The following RXFP1 variants were observed in gnomAD, a reference collection of about 807,000 sequenced individuals.
The protein encoded by RXFP1 is relaxin receptor 1.
A neutral mutation model predicts 89.8 loss-of-function variants in RXFP1; 73 were observed. That is an observed-to-expected ratio of 0.81 (90% CI 0.67 to 0.99). The LOEUF is 0.99. RXFP1 is among the 50% of genes least tolerant of loss of function. RXFP1 has a pLI of 0.00. For missense variants in RXFP1, 793 were observed against 895.5 expected (o/e 0.89, Z 1.46); for synonymous variants, 277 against 305.5 (o/e 0.91, Z 0.97).
chr4:158,645,580 C>T (rs1273413925), intron 15 of RXFP1, among the ~76,000 whole-genome samples: 1 of 152,080 alleles, frequency 6.6e-6, no homozygotes, highest in Admixed American at 6.6e-5. Context: ...GAAGTTTTTT[C>T]CACTCTAACT....
Position 158,561,697 on chromosome 4 carries a change from G to T in RXFP1, c.50-11001G>T, listed in dbSNP as rs550097397. On this transcript the variant is annotated intron_variant, in intron 1 of 17. Transcript: ENST00000307765. ...GGCTGGAGTGCAGTGGTGTGATCTCGTCTGACTGCAACCTCCACCTCCCGG... is the reference window on the plus strand; with the variant it reads ...GGCTGGAGTGCAGTGGTGTGATCTCTTCTGACTGCAACCTCCACCTCCCGG... Among the ~76,000 whole-genome samples the T allele has an allele frequency of 1.5e-4, 21 of 136,848 alleles. 1 individual carries two copies. The highest frequency in any genetic ancestry group is 5.9e-4 in the African/African-American group (21 of 35,692). The allele number at this position is 136,848 out of a possible 152,430, so 89.8% of individuals were successfully genotyped here. A position where few individuals can be genotyped will look rare whatever the true frequency, so the allele number is the denominator to read the frequency against.
intron 12 of RXFP1, among the ~76,000 whole-genome samples, chr4:158,637,011 C>T (rs1769302542): frequency 6.6e-6 from 1 of 152,090 alleles, no homozygotes; most frequent in Non-Finnish European, 1.5e-5. Context: ...CTTTCTATGC[C>T]TGACTTACTT....
At chr4:158,644,472 A>G (rs1448688061) in intron 14 of RXFP1, among the ~76,000 whole-genome samples, 3 of 151,876 alleles carry the variant, frequency 2.0e-5, no homozygotes, top group Non-Finnish European at 4.4e-5. Flanking sequence ...CATAACTTCA[A>G]TAACAAAAAG....
At chr4:158,650,919 G>A (rs1408034472) in intron 17 of RXFP1, among the ~76,000 whole-genome samples, 3 of 151,980 alleles carry the variant, frequency 2.0e-5, no homozygotes, top group Admixed American at 1.3e-4. Context: ...AACCAACCTG[G>A]ACAACACAGG....
intron 1 of RXFP1, among the ~76,000 whole-genome samples, chr4:158,525,219 C>CG (rs61683066): frequency 0.67 from 92,188 of 137,898 alleles, 35,577 homozygotes; most frequent in East Asian, 0.94. Context: ...TATACTTTGG[C>CG]GGGGGGGGGT....
chr4:158,529,244 T>TTTG (rs70962613), intron 1 of RXFP1, among the ~76,000 whole-genome samples: 6,315 of 109,994 alleles, frequency 0.057, 440 homozygotes, highest in African/African-American at 0.22. Context: ...TTGCTTGTTT[T>TTTG]TTGTTGTTGT....
Position 158,582,466 on chromosome 4 carries a change from T to G in RXFP1, c.187+9631T>G, listed in dbSNP as rs143776843. On this transcript the variant is annotated intron_variant, in intron 2 of 17. Transcript: ENST00000307765. ...CTCAGATGTGCATAAATCCATCTGG[T>G]CCTCTGCCGTAAGTCACCACTCTGT... is the stretch of plus-strand genomic sequence containing the variant. Among the ~76,000 whole-genome samples the G allele has an allele frequency of 8.5e-5, 13 of 152,210 alleles. No individual in the cohort carries two copies. The East Asian group carries it at 2.5e-3, about 29-fold the overall frequency.
chr4:158,617,150 C>G lies in RXFP1; in HGVS notation c.700C>G (p.Leu234Val). 1 of 1,608,926 alleles carries G rather than the reference C, an allele frequency of 6.2e-7. No homozygotes were observed. The highest frequency in any genetic ancestry group is 8.5e-7 in the Non-Finnish European group (1 of 1,177,204). ...TTTCAGAGTCCTGATGAATAACGTC[C>G]TCACCCGTTTACCTGATAAACCTCT... Reference protein sequence around the residue: ...LILLVLMNNVLTRLPDKPLCQ... With the variant: ...LILLVLMNNVVTRLPDKPLCQ... Residue 234 changes from leucine (L) to valine (V), a missense_variant, in exon 9 of 18, where the codon CTC (leucine) becomes GTC (valine). By Grantham distance (32) the Leu-to-Val change is conservative. Coordinates refer to ENST00000307765, the MANE Select transcript of RXFP1 (RefSeq NM_021634.4).
At chr4:158,616,450 T>TAAATAA (rs1764583676) in intron 8 of RXFP1, among the ~76,000 whole-genome samples, 1 of 148,220 alleles carries the variant, frequency 6.7e-6, no homozygotes, top group Non-Finnish European at 1.5e-5. Flanking sequence ...AATAAATAAA[T>TAAATAA]AAATAAAAAT....
intron 1 of RXFP1, among the ~76,000 whole-genome samples, chr4:158,535,768 G>A (rs1010476729): frequency 2.0e-5 from 3 of 152,178 alleles, no homozygotes; most frequent in Middle Eastern, 3.2e-3. Flanking sequence ...ACTGTGATAG[G>A]ACCGGCCTTT....
intron 2 of RXFP1, among the ~76,000 whole-genome samples, chr4:158,580,437 G>T (rs1757120802): frequency 6.6e-6 from 1 of 152,124 alleles, no homozygotes; most frequent in Admixed American, 6.6e-5. Context: ...AATATACCAA[G>T]TCTTTCTTGA....
At chr4:158,550,953 T>C (rs1228954946) in intron 1 of RXFP1, among the ~76,000 whole-genome samples, 1 of 151,794 alleles carries the variant, frequency 6.6e-6, no homozygotes, top group African/African-American at 2.4e-5. Context: ...GCCTGGTACC[T>C]AAAACATATT....
At chr4:158,586,081 T>G (rs1008567224) in intron 2 of RXFP1, among the ~76,000 whole-genome samples, 6 of 152,228 alleles carry the variant, frequency 3.9e-5, no homozygotes, top group Non-Finnish European at 4.4e-5. Context: ...ATGAAAAATA[T>G]AGATTTCCCA....
Position 158,644,938 on chromosome 4 carries a change from A to G in RXFP1, c.1145A>G (p.Tyr382Cys). ...TTTAAGAAATTCCAGTACTGTGGGT[A>G]TGCACCACATGTTCGCAGCTGTAAA... ...IYFKKFQYCG[Y>C]APHVRSCKPN... is the part of the protein sequence containing the mutation. The change falls in exon 15 of 18, where the codon TAT (tyrosine) becomes TGT (cysteine). Residue 382 changes from tyrosine (Y) to cysteine (C), a missense_variant. Tyr to Cys is a radical substitution (Grantham distance 194). Transcript: ENST00000307765. 6.2e-7 allele frequency: 1 copy of G among 1,613,794 alleles called. No individual in the cohort carries two copies.
In RXFP1 at chr4:158,652,268, A is replaced by C. The variant is rs929620170; in HGVS notation, c.*213A>C. On this transcript the variant is annotated 3_prime_UTR_variant, in exon 18 of 18. Coordinates refer to ENST00000307765, the MANE Select transcript of RXFP1 (RefSeq NM_021634.4). ...TATATATTAGTAGACATTTTGCATAAGAAATTAAGAGAAATCTACTTCAGT... is the reference window on the plus strand; with the variant it reads ...TATATATTAGTAGACATTTTGCATACGAAATTAAGAGAAATCTACTTCAGT... The C allele has an allele frequency of 8.8e-6, 4 of 453,962 alleles. No individual in the cohort carries two copies. Among genetic ancestry groups the C allele is most frequent in the Non-Finnish European group, 1.5e-5 (4 of 259,848 alleles). The allele number at this position is 453,962 out of a possible 1,614,324, so 28.1% of individuals were successfully genotyped here. A position where few individuals can be genotyped will look rare whatever the true frequency, so the allele number is the denominator to read the frequency against.
Position 158,646,925 on chromosome 4 carries a change from C to G in RXFP1, c.1480C>G (p.Leu494Val). ...TCAGCTTGTAGGATCTTTGGCCATT[C>G]TGTCCACAGAAGTATCAGTTTTACT... The part of the protein sequence containing the change: ...HCQLVGSLAI[L>V]STEVSVLLLT... Residue 494 changes from leucine (L) to valine (V), a missense_variant, in exon 16 of 18, where the codon CTG becomes GTG. By Grantham distance (32) the Leu-to-Val change is conservative. Transcript: ENST00000307765. 6.2e-7 allele frequency: 1 copy of G among 1,614,168 alleles called. No homozygotes were observed. Among genetic ancestry groups the G allele is most frequent in the Non-Finnish European group, 8.5e-7 (1 of 1,180,020 alleles).
intron 9 of RXFP1, among the ~76,000 whole-genome samples, chr4:158,617,432 T>A (rs544685573): frequency 0.12 from 17,302 of 142,318 alleles, 1,607 homozygotes; most frequent in African/African-American, 0.27. Context: ...AAAAAATATA[T>A]ATATATATAT....
At chr4:158,597,708 A>G (rs974514521) in intron 3 of RXFP1, among the ~76,000 whole-genome samples, 5 of 152,120 alleles carry the variant, frequency 3.3e-5, no homozygotes, top group African/African-American at 9.7e-5. Context: ...GTCTCTGTAT[A>G]TGAAAAAAAC....
chr4:158,639,922 AAGAC>A (rs1770035904), intron 14 of RXFP1, among the ~76,000 whole-genome samples: 1 of 152,152 alleles, frequency 6.6e-6, no homozygotes, highest in African/African-American at 2.4e-5. Flanking sequence ...CCACCTTGTG[AAGAC>A]AGACAGAGAA....
Sources: allele counts gnomAD v4.1 joint callset (sites outside exome capture counted in the v4.1 genomes callset), GRCh38; gene constraint gnomAD v4.1.1; transcripts MANE v1.5; gene names NCBI Gene and HGNC (gene_info 2026-07-23, HGNC 2026-07-21).